The following SYTL5 variants were observed in gnomAD, a reference collection of about 807,000 sequenced individuals.
SYTL5 encodes synaptotagmin-like protein 5.
SYTL5 carries 34 observed loss-of-function variants against 55.9 expected under a neutral mutation model. The observed-to-expected ratio is 0.61, with a 90% CI of 0.46 to 0.81. The LOEUF (loss-of-function observed/expected upper bound fraction) is 0.81. SYTL5 is among the 30% of genes least tolerant of loss of function. The pLI is 0.00. For synonymous variants in SYTL5, 221 were observed against 188.7 expected, an observed-to-expected ratio of 1.17 and a Z score of -1.40; for missense variants, 637 against 546.7, an observed-to-expected ratio of 1.17 and a Z score of -1.65.
chrX:37,893,667 T>TATATAATCTATAGATAAACTATAGATTAC, the SYTL5 span, among the ~76,000 whole-genome samples: 1 of 65,854 alleles, frequency 1.5e-5, no homozygotes, highest in Non-Finnish European at 2.3e-5. Context: ...AAAATCTATA[T>TATATAATCTATAGATAAACTATAGATTAC]ATATAATCTA....
At chrX:38,052,658 G>A (rs775883517) in intron 2 of SYTL5, among the ~76,000 whole-genome samples, 8 of 112,262 alleles carry the variant, frequency 7.1e-5, no homozygotes, top group Non-Finnish European at 1.1e-4. Flanking sequence ...TACCTAGCAT[G>A]AAATTGGATC....
the SYTL5 span, among the ~76,000 whole-genome samples, chrX:37,953,201 A>G: frequency 8.9e-5 from 10 of 111,866 alleles, no homozygotes; most frequent in African/African-American, 2.6e-4. Context: ...TATGAAATTC[A>G]GTGGAGAGAA....
the SYTL5 span, among the ~76,000 whole-genome samples, chrX:37,980,973 T>A: frequency 2.7e-5 from 3 of 112,402 alleles, no homozygotes; most frequent in Non-Finnish European, 5.6e-5. Context: ...TCAGCTCCTA[T>A]GACAGGGATG....
chrX:37,963,285 G>C, the SYTL5 span, among the ~76,000 whole-genome samples: 1 of 90,518 alleles, frequency 1.1e-5, no homozygotes, highest in African/African-American at 4.2e-5. Flanking sequence ...TTTTGTTTTT[G>C]TGGGTTTTTT....
chrX:37,998,973 T>C, the SYTL5 span, among the ~76,000 whole-genome samples: 1 of 112,308 alleles, frequency 8.9e-6, no homozygotes, highest in African/African-American at 3.2e-5. Flanking sequence ...GTAAAGCCAC[T>C]ATTTTCTATT....
At chrX:37,966,931 AT>A in the SYTL5 span, among the ~76,000 whole-genome samples, 1 of 111,314 alleles carries the variant, frequency 9.0e-6, no homozygotes, top group Non-Finnish European at 1.9e-5. Flanking sequence ...CAATTTCTGC[AT>A]TTTTTGTAAG....
Position 38,102,327 on chromosome X carries a change from C to T in SYTL5, c.1063-15C>T. The T allele has an allele frequency of 1.7e-6, 2 of 1,146,992 alleles. No individual in the cohort carries two copies. The highest frequency in any genetic ancestry group is 2.4e-6 in the Non-Finnish European group (2 of 840,636). The allele number at this position is 1,146,992 out of a possible 1,213,427, so 94.5% of individuals were successfully genotyped here. Reference sequence around the variant, plus strand: ...CAAATCAACCAACCCACTGATTTTTCCCTTTCTTTTTTAGGACTCCTTGGA... The same window carrying T: ...CAAATCAACCAACCCACTGATTTTTTCCTTTCTTTTTTAGGACTCCTTGGA... On this transcript the variant is annotated splice_polypyrimidine_tract_variant and intron_variant, in intron 9 of 16. Coordinates refer to ENST00000297875, the MANE Select transcript of SYTL5 (RefSeq NM_138780.3).
chrX:37,990,693 G>A, the SYTL5 span: 1 of 837,677 alleles, frequency 1.2e-6, no homozygotes, highest in Non-Finnish European at 1.6e-6. Flanking sequence ...CAAAGTCTAG[G>A]GATGTCACAA....
rs751725801 is a variant in SYTL5 at position 38,034,184 on chromosome X, A to G, written c.119+176A>G. Among the ~76,000 whole-genome samples, 231 of 112,171 alleles carry G rather than the reference A, an allele frequency of 2.1e-3. 3 individuals are homozygous for G. The highest frequency in any genetic ancestry group is 7.2e-3 in the African/African-American group (223 of 30,923). On this transcript the variant is annotated intron_variant, in intron 2 of 16. Transcript: ENST00000297875. ...AACTTTGGCATTTCACCATTTAGCCAGACATGAAAATGGAATTTAGCTAAT... is the reference window on the plus strand; with the variant it reads ...AACTTTGGCATTTCACCATTTAGCCGGACATGAAAATGGAATTTAGCTAAT...
the SYTL5 span, among the ~76,000 whole-genome samples, chrX:37,919,762 G>T: frequency 8.9e-6 from 1 of 112,444 alleles, no homozygotes. Context: ...TGAAGACCTT[G>T]TTCTAGCTAA....
chrX:38,069,218 G>A, intron 3 of SYTL5, among the ~76,000 whole-genome samples: 2 of 111,911 alleles, frequency 1.8e-5, no homozygotes, highest in South Asian at 7.4e-4. Context: ...ACTTATCATA[G>A]TAGTTTTCTA....
intron 1 of SYTL5, among the ~76,000 whole-genome samples, chrX:38,024,977 G>C (rs972376666): frequency 1.3e-4 from 14 of 111,860 alleles, no homozygotes; most frequent in African/African-American, 4.2e-4. Flanking sequence ...GAGTCATTCA[G>C]TTTGGGGTTC....
the SYTL5 span, among the ~76,000 whole-genome samples, chrX:37,921,386 G>A: frequency 9.0e-6 from 1 of 110,793 alleles, no homozygotes; most frequent in Non-Finnish European, 1.9e-5. Flanking sequence ...AGAAATTACA[G>A]ATCCGGGAAC....
chrX:38,041,463 C>T (rs2084787327), intron 2 of SYTL5, among the ~76,000 whole-genome samples: 1 of 111,949 alleles, frequency 8.9e-6, no homozygotes, highest in African/African-American at 3.3e-5. Context: ...TTGGTAAACA[C>T]TTTGGTTTAA....
the SYTL5 span, among the ~76,000 whole-genome samples, chrX:37,980,461 A>G: frequency 8.9e-6 from 1 of 112,542 alleles, no homozygotes; most frequent in Non-Finnish European, 1.9e-5. Context: ...GATGCTCTGC[A>G]AACTCAACCA....
At chrX:37,961,799 A>G in the SYTL5 span, among the ~76,000 whole-genome samples, 1 of 112,114 alleles carries the variant, frequency 8.9e-6, no homozygotes, top group Non-Finnish European at 1.9e-5. Context: ...TGTATGATGT[A>G]CATTACAAAA....
At chrX:37,961,076 G>T in the SYTL5 span, among the ~76,000 whole-genome samples, 1 of 110,494 alleles carries the variant, frequency 9.1e-6, no homozygotes. Flanking sequence ...GAGCCACCGC[G>T]CCCGGCCTCC....
chrX:37,961,465 G>A, the SYTL5 span, among the ~76,000 whole-genome samples: 3 of 109,243 alleles, frequency 2.7e-5, no homozygotes, highest in Non-Finnish European at 5.7e-5. Flanking sequence ...ATTTACTTAA[G>A]TTTATGTAAA....
the SYTL5 span, among the ~76,000 whole-genome samples, chrX:37,902,696 CA>C: frequency 9.0e-4 from 100 of 111,513 alleles, no homozygotes; most frequent in African/African-American, 3.0e-3. Context: ...AAACAAAGAA[CA>C]AAAACCCAGG....
Sources: gnomAD v4.1 joint callset for allele counts (sites outside exome capture counted in the v4.1 genomes callset) on GRCh38, gnomAD v4.1.1 for gene constraint, MANE v1.5 for transcripts, NCBI Gene and HGNC (gene_info 2026-07-23, HGNC 2026-07-21) for gene names.